Variants in PRDM16 observed in about 807,000 individuals in gnomAD.
The protein encoded by PRDM16 is PR/SET domain 16, also known as histone-lysine N-methyltransferase PRDM16.
In PRDM16, 23 loss-of-function variants were observed where a neutral mutation model predicts 110.6. That is an observed-to-expected ratio of 0.21 (90% confidence interval 0.15 to 0.29). PRDM16 has a LOEUF of 0.29. Among genes scored for constraint, PRDM16 ranks in the 10% least tolerant of loss-of-function variants. The pLI, the probability that PRDM16 is intolerant of heterozygous loss-of-function variation, is 1.00. For missense variants in PRDM16, 1,615 were observed against 1,794.3 expected (o/e 0.90, Z 1.81); for synonymous variants, 799 against 781.8 (o/e 1.02, Z -0.37).
intron 2 of PRDM16, among the ~76,000 whole-genome samples, chr1:3,215,465 G>A (rs1257790169): frequency 6.6e-6 from 1 of 151,842 alleles, no homozygotes; most frequent in Non-Finnish European, 1.5e-5. Flanking sequence ...AGGGTCATGG[G>A]TGGAGGCGGG....
chr1:3,121,416 A>T (rs1484643748), intron 1 of PRDM16, among the ~76,000 whole-genome samples: 1 of 152,250 alleles, frequency 6.6e-6, no homozygotes, highest in African/African-American at 2.4e-5. Context: ...TGTTTTCAGG[A>T]CCGGGCTCAG....
intron 3 of PRDM16, among the ~76,000 whole-genome samples, chr1:3,354,901 C>G (rs950959196): frequency 9.9e-5 from 15 of 152,230 alleles, no homozygotes; most frequent in Admixed American, 7.8e-4. Flanking sequence ...CCGGGCCGCA[C>G]CATGAAGGGC....
rs540162791 is a variant in PRDM16, at chr1:3,100,712, G to C, written c.37+31416G>C. On this transcript the variant is annotated intron_variant, in intron 1 of 16. Coordinates refer to ENST00000270722, the MANE Select transcript of PRDM16 (RefSeq NM_022114.4). ...GAGTGAGGTTCCCGTGAGGAAGATA[G>C]ATACACCCACACACGCCCTATAGGG... 2.0e-5 allele frequency among the ~76,000 whole-genome samples: 3 copies of C among 152,308 alleles called. No homozygotes were observed. In the East Asian group the frequency reaches 5.8e-4, roughly 29 times the overall value.
chr1:3,301,332 C>CAA (rs70938084), intron 3 of PRDM16, among the ~76,000 whole-genome samples: 1 of 101,864 alleles, frequency 9.8e-6, no homozygotes, highest in Non-Finnish European at 2.0e-5. Context: ...GATCCCATCT[C>CAA]AAAAAAAAAA....
chr1:3,104,229 T>C (rs1301794211), intron 1 of PRDM16, among the ~76,000 whole-genome samples: 1 of 152,192 alleles, frequency 6.6e-6, no homozygotes, highest in East Asian at 1.9e-4. Context: ...CAGGCGGCAC[T>C]GTGGGGACCC....
intron 12 of PRDM16, among the ~76,000 whole-genome samples, chr1:3,421,515 G>A (rs1330094184): frequency 6.6e-6 from 1 of 152,186 alleles, no homozygotes; most frequent in Non-Finnish European, 1.5e-5. Flanking sequence ...GGAGAACTCT[G>A]CTCCCTCGCA....
Position 3,358,513 on chromosome 1 carries a change from A to G in PRDM16, c.439-26639A>G, listed in dbSNP as rs56215001. ...CGCGGCTTCGGATGCAGCTGGAATAAGGTTCCAGTGTTCCCTTTCCCGTCA... is the reference window on the plus strand; with the variant it reads ...CGCGGCTTCGGATGCAGCTGGAATAGGGTTCCAGTGTTCCCTTTCCCGTCA... On this transcript the variant is annotated intron_variant, in intron 3 of 16. Transcript: ENST00000270722. This position sits in a 1 kb window ranked among gnomAD's most constrained non-coding sequence, Gnocchi z 4.0. 0.044 allele frequency among the ~76,000 whole-genome samples: 6,771 copies of G among 152,222 alleles called. 466 individuals are homozygous for G. Among genetic ancestry groups the G allele is most frequent in the African/African-American group, 0.15 (6,380 of 41,508 alleles).
chr1:3,150,201 T>A (rs959324534), intron 1 of PRDM16, among the ~76,000 whole-genome samples: 4 of 152,172 alleles, frequency 2.6e-5, no homozygotes, highest in African/African-American at 9.7e-5. Context: ...TTCCAGAACT[T>A]GTTTCCTTGT....
intron 3 of PRDM16, among the ~76,000 whole-genome samples, chr1:3,311,410 C>T (rs1197392685): frequency 1.3e-5 from 2 of 152,148 alleles, no homozygotes; most frequent in Non-Finnish European, 2.9e-5. Context: ...CATTGGTGCC[C>T]GCTCTGTCCT....
rs1342253725 is a variant in PRDM16, at chr1:3,246,059, T to G, written c.438+1922T>G. ...CAAGTCAGAAGGTCAAAAGGTCAAG[T>G]CTAGATTTAAAGGGCCCGGGGGAGG... On this transcript the variant is annotated intron_variant, in intron 3 of 16. Coordinates refer to ENST00000270722, the MANE Select transcript of PRDM16 (RefSeq NM_022114.4). The surrounding 1 kb of genome is among the most constrained non-coding windows in gnomAD (Gnocchi z 5.2). Among the ~76,000 whole-genome samples, 1 of 151,994 alleles carries G rather than the reference T, an allele frequency of 6.6e-6. No individual in the cohort carries two copies. Among genetic ancestry groups the G allele is most frequent in the Non-Finnish European group, 1.5e-5 (1 of 68,004 alleles).
chr1:3,158,794 GAC>G (rs1569717091), intron 1 of PRDM16, among the ~76,000 whole-genome samples: 1 of 110,170 alleles, frequency 9.1e-6, no homozygotes, highest in Non-Finnish European at 1.8e-5. Context: ...TTTTTTTTGA[GAC>G]AGAGTCTTGT....
intron 3 of PRDM16, among the ~76,000 whole-genome samples, chr1:3,368,897 C>T (rs1241623644): frequency 1.3e-5 from 2 of 152,236 alleles, no homozygotes; most frequent in Admixed American, 1.3e-4. Flanking sequence ...AGCTTCTATA[C>T]ACCCCCATTC....
intron 1 of PRDM16, among the ~76,000 whole-genome samples, chr1:3,109,427 C>G (rs925216219): frequency 1.3e-5 from 2 of 152,192 alleles, no homozygotes; most frequent in Admixed American, 6.5e-5. Context: ...GGCTGAGGCT[C>G]TCTCTCCTCC....
intron 1 of PRDM16, among the ~76,000 whole-genome samples, chr1:3,111,953 A>T (rs1475400125): frequency 6.6e-6 from 1 of 152,238 alleles, no homozygotes; most frequent in Non-Finnish European, 1.5e-5. Context: ...GGAGGGCAGG[A>T]AGAAAGGCTG....
At chr1:3,238,365 G>A (rs888573369) in intron 2 of PRDM16, among the ~76,000 whole-genome samples, 21 of 152,260 alleles carry the variant, frequency 1.4e-4, no homozygotes, top group African/African-American at 5.1e-4. Flanking sequence ...ATTTTTCTTA[G>A]GAGTAAAGAG....
rs1283351456 is a variant in PRDM16, at chr1:3,181,358, ACGGTCTTACACACG to A, written c.38-4765_38-4752del. Among the ~76,000 whole-genome samples the A allele has an allele frequency of 4.5e-3, 149 of 33,244 alleles. 27 individuals carry two copies. The highest frequency in any genetic ancestry group is 8.1e-3 in the East Asian group (11 of 1,360). The allele number at this position is 33,244 out of a possible 152,430, so 21.8% of individuals were successfully genotyped here. On this transcript the variant is annotated intron_variant, in intron 1 of 16. Transcript: ENST00000270722. ...AGCAGTCTTACACACGGTCTTACAC[ACGGTCTTACACACG>A]CAGTCTTACACACGGCCTTACGCAT... is the stretch of plus-strand genomic sequence containing the variant.
chr1:3,169,640 C>T (rs577871711), intron 1 of PRDM16, among the ~76,000 whole-genome samples: 21 of 152,238 alleles, frequency 1.4e-4, no homozygotes, highest in African/African-American at 4.6e-4. Flanking sequence ...GGAAAACAAA[C>T]GATTAAAGAA....
At position 3,339,620 on chromosome 1, in the gene PRDM16, C is replaced by T. The variant is rs2100509705; in HGVS notation, c.439-45532C>T. Reference sequence around the variant, plus strand: ...CATTGCCTTGGTCTCGCTCACACCTCCCACCTTGCTCGTGAAGGTGACAGT... The same window carrying T: ...CATTGCCTTGGTCTCGCTCACACCTTCCACCTTGCTCGTGAAGGTGACAGT... On this transcript the variant is annotated intron_variant, in intron 3 of 16. Transcript: ENST00000270722. The surrounding 1 kb of genome is among the most constrained non-coding windows in gnomAD (Gnocchi z 5.0). 6.6e-6 allele frequency among the ~76,000 whole-genome samples: 1 copy of T among 152,180 alleles called. No homozygotes were observed. Among genetic ancestry groups the T allele is most frequent in the East Asian group, 1.9e-4 (1 of 5,158 alleles).
At chr1:3,196,013 G>A (rs1441340302) in intron 2 of PRDM16, among the ~76,000 whole-genome samples, 2 of 152,212 alleles carry the variant, frequency 1.3e-5, no homozygotes, top group African/African-American at 4.8e-5. Flanking sequence ...GGGGAACCCG[G>A]GGCTGAGAAG....
Sources: gnomAD v4.1 joint callset for allele counts (sites outside exome capture counted in the v4.1 genomes callset) on GRCh38, gnomAD v4.1.1 for gene constraint, Gnocchi (gnomAD v3.1) non-coding constraint, MANE v1.5 for transcripts, NCBI Gene and HGNC (gene_info 2026-07-23, HGNC 2026-07-21) for gene names.